Variants in ARHGEF37 observed in about 807,000 individuals in gnomAD.
The protein encoded by ARHGEF37 is Rho guanine nucleotide exchange factor 37, also known as Rho guanine nucleotide exchange factor (GEF) 37.
A neutral mutation model predicts 71.1 loss-of-function variants in ARHGEF37; 55 were observed. That is an observed-to-expected ratio of 0.77 (90% CI 0.62 to 0.97). The LOEUF (loss-of-function observed/expected upper bound fraction) is 0.97. Ranked by LOEUF, ARHGEF37 falls within the 50% of genes least tolerant of loss-of-function variation. ARHGEF37 has a pLI of 0.00. For synonymous variants in ARHGEF37, 327 were observed against 350.6 expected (o/e 0.93, Z 0.75); for missense variants, 765 against 836.8 (o/e 0.91, Z 1.06).
At chr5:149,584,717 C>T (rs901281473) in intron 1 of ARHGEF37, among the ~76,000 whole-genome samples, 2 of 151,980 alleles carry the variant, frequency 1.3e-5, no homozygotes, top group Non-Finnish European at 2.9e-5. Context: ...TCAAGTGATT[C>T]TCCTGCCTCA....
At chr5:149,572,696 C>T (rs186690963) in intron 1 of ARHGEF37, among the ~76,000 whole-genome samples, 36 of 152,284 alleles carry the variant, frequency 2.4e-4, no homozygotes, top group Non-Finnish European at 4.3e-4. Context: ...GCAGATTACC[C>T]TCCATAATGT....
In ARHGEF37 at chr5:149,613,780, T is replaced by C. The variant is rs74558018; in HGVS notation, c.459-2787T>C. Among the ~76,000 whole-genome samples the C allele has an allele frequency of 3.3e-5, 5 of 151,338 alleles. No homozygotes were observed. In the South Asian group the frequency reaches 1.0e-3, roughly 32 times the overall value. On this transcript the variant is annotated intron_variant, in intron 4 of 12. Coordinates refer to ENST00000333677, the MANE Select transcript of ARHGEF37 (RefSeq NM_001001669.3). ...CAGTGTTTTCTTTTTTTTTTTTTTT[T>C]TGAGACAAGGTCTCACTCTGTCACC... is the stretch of plus-strand genomic sequence containing the variant.
At chr5:149,601,301 C>T (rs960118493) in intron 3 of ARHGEF37, 70 bp downstream of exon 3, 6 of 1,527,716 alleles carry the variant, frequency 3.9e-6, no homozygotes, top group Non-Finnish European at 2.7e-6. Context: ...GTGGTCACTG[C>T]TTAACTGTCT....
intron 5 of ARHGEF37, 66 bp from the exon 6 acceptor site, chr5:149,618,110 G>A: frequency 6.3e-7 from 1 of 1,598,924 alleles, no homozygotes; most frequent in Non-Finnish European, 8.5e-7. Flanking sequence ...AGCCGGGCAT[G>A]TCCGTGACAT....
intron 3 of ARHGEF37, among the ~76,000 whole-genome samples, chr5:149,607,475 T>C (rs1339552262): frequency 6.6e-6 from 1 of 152,210 alleles, no homozygotes; most frequent in African/African-American, 2.4e-5. Context: ...AACTCTTTAT[T>C]TGGCTCCGTT....
intron 1 of ARHGEF37, among the ~76,000 whole-genome samples, chr5:149,552,895 A>C (rs76855023): frequency 0.053 from 8,091 of 152,154 alleles, 494 homozygotes; most frequent in East Asian, 0.18. Context: ...GCAACTTTGA[A>C]AGGTGGTCAA....
At chr5:149,611,896 C>A (rs1244115135) in intron 4 of ARHGEF37, among the ~76,000 whole-genome samples, 1 of 151,892 alleles carries the variant, frequency 6.6e-6, no homozygotes, top group Non-Finnish European at 1.5e-5. Flanking sequence ...ATATATGTAA[C>A]TGAAAAAAAT....
chr5:149,625,265 G>C (rs914562272), intron 10 of ARHGEF37, among the ~76,000 whole-genome samples: 1 of 152,124 alleles, frequency 6.6e-6, no homozygotes, highest in Non-Finnish European at 1.5e-5. Flanking sequence ...ATCTGTTCTA[G>C]TCACTTGTAA....
intron 1 of ARHGEF37, among the ~76,000 whole-genome samples, chr5:149,583,426 G>A (rs970190713): frequency 7.9e-5 from 12 of 152,174 alleles, no homozygotes; most frequent in Non-Finnish European, 1.3e-4. Flanking sequence ...GTGAGCCACT[G>A]TGCCTGGCCT....
intron 3 of ARHGEF37, among the ~76,000 whole-genome samples, chr5:149,603,079 C>A (rs1052773867): frequency 2.0e-5 from 3 of 151,846 alleles, no homozygotes; most frequent in African/African-American, 7.3e-5. Context: ...ATTACAGGCG[C>A]CCGCCACCAC....
chr5:149,616,456 C>T lies in ARHGEF37; in HGVS notation c.459-111C>T, dbSNP rs1473470958. On this transcript the variant is annotated intron_variant, in intron 4 of 12. Transcript: ENST00000333677. ...CTGGAGGATCGCAGAGAGGGGGTGACTTGCCTGAGATCACACAGTGAGCTA... is the reference window on the plus strand; with the variant it reads ...CTGGAGGATCGCAGAGAGGGGGTGATTTGCCTGAGATCACACAGTGAGCTA... 3 of 1,031,928 alleles carry T rather than the reference C, an allele frequency of 2.9e-6. No homozygotes were observed. In the Admixed American group the frequency reaches 7.9e-5, roughly 27 times the overall value. The allele number at this position is 1,031,928 out of a possible 1,614,324, so 63.9% of individuals were successfully genotyped here.
chr5:149,595,639 AG>A (rs1763523914), intron 1 of ARHGEF37, among the ~76,000 whole-genome samples: 1 of 152,104 alleles, frequency 6.6e-6, no homozygotes, highest in African/African-American at 2.4e-5. Flanking sequence ...ACTCACTCAC[AG>A]GGGCATTCTT....
At chr5:149,627,364 T>G (rs1263012782) in intron 11 of ARHGEF37, 93 bp downstream of exon 11, 1 of 1,418,310 alleles carries the variant, frequency 7.1e-7, no homozygotes, top group Non-Finnish European at 9.6e-7. Flanking sequence ...TGGGTCAAAG[T>G]CTGGCTGGGC....
chr5:149,553,482 C>T (rs77818054), intron 1 of ARHGEF37, among the ~76,000 whole-genome samples: 3,937 of 151,560 alleles, frequency 0.026, 171 homozygotes, highest in African/African-American at 0.091. Flanking sequence ...CCAGAGATCA[C>T]TCCTTTTCTG....
chr5:149,576,475 C>T (rs1254820330), intron 1 of ARHGEF37, among the ~76,000 whole-genome samples: 2 of 152,112 alleles, frequency 1.3e-5, no homozygotes, highest in Non-Finnish European at 2.9e-5. Flanking sequence ...GAATGCCTGG[C>T]TTATAGGCTC....
At chr5:149,576,325 G>C (rs898904292) in intron 1 of ARHGEF37, among the ~76,000 whole-genome samples, 7 of 152,222 alleles carry the variant, frequency 4.6e-5, no homozygotes, top group African/African-American at 1.4e-4. Context: ...AGGCTTTGAA[G>C]TCATACTTCT....
chr5:149,605,094 G>A (rs1163581841), intron 3 of ARHGEF37, among the ~76,000 whole-genome samples: 1 of 151,696 alleles, frequency 6.6e-6, no homozygotes, highest in African/African-American at 2.4e-5. Flanking sequence ...GGGCGTGTTG[G>A]TGGGTGCCTG....
chr5:149,556,333 A>G (rs986316413), intron 1 of ARHGEF37, among the ~76,000 whole-genome samples: 4 of 152,148 alleles, frequency 2.6e-5, no homozygotes, highest in Admixed American at 2.6e-4. Context: ...GGCTGGGATT[A>G]CAGGCACATG....
At chr5:149,628,162 T>A (rs1030853315) in intron 11 of ARHGEF37, among the ~76,000 whole-genome samples, 3 of 152,156 alleles carry the variant, frequency 2.0e-5, no homozygotes, top group African/African-American at 7.2e-5. Context: ...GGATTTGGAT[T>A]CCAGCTCCAC....
Sources: allele counts gnomAD v4.1 joint callset (sites outside exome capture counted in the v4.1 genomes callset), GRCh38; gene constraint gnomAD v4.1.1; transcripts MANE v1.5; gene names NCBI Gene and HGNC (gene_info 2026-07-23, HGNC 2026-07-21).